SYNE1: variants seen among roughly 807,000 people sequenced by gnomAD.
SYNE1 encodes nesprin-1.
In SYNE1, 616 loss-of-function variants were observed where a neutral mutation model predicts 1,111.0. The ratio of observed to expected loss-of-function variants is 0.55; its 90% confidence interval spans 0.52 to 0.59. The LOEUF (loss-of-function observed/expected upper bound fraction) is 0.59. SYNE1 is among the 20% of genes least tolerant of loss of function. The probability of loss-of-function intolerance (pLI) is 0.00; values close to 1 mark genes in which losing one functional copy is unlikely to be tolerated. For missense variants in SYNE1, 10,006 were observed against 10,417.0 expected, an observed-to-expected ratio of 0.96 and a Z score of 1.72; for synonymous variants, 3,855 against 3,825.8, an observed-to-expected ratio of 1.01 and a Z score of -0.28.
Position 152,225,303 on chromosome 6 carries a change from GCA to G in SYNE1, c.21351+416_21351+417del, listed in dbSNP as rs71268493. Among the ~76,000 whole-genome samples, 220 of 109,672 alleles carry G rather than the reference GCA, an allele frequency of 2.0e-3. 1 individual carries two copies. Among genetic ancestry groups the G allele is most frequent in the East Asian group, 4.9e-3 (18 of 3,700 alleles). The allele number at this position is 109,672 out of a possible 152,430, so 71.9% of individuals were successfully genotyped here. On this transcript the variant is annotated intron_variant, in intron 116 of 145. Coordinates refer to ENST00000367255, the MANE Select transcript of SYNE1 (RefSeq NM_182961.4). ...CAAACACACACACACACACACACAC[GCA>G]CACACACACACACACTCAGATAAAT...
intron 93 of SYNE1, among the ~76,000 whole-genome samples, chr6:152,296,833 T>C (rs896352393): frequency 6.6e-6 from 1 of 152,228 alleles, no homozygotes; most frequent in Non-Finnish European, 1.5e-5. Flanking sequence ...GCCTCATTTA[T>C]GTGGAGCAGG....
chr6:152,391,356 G>A lies in SYNE1; in HGVS notation c.7925C>T (p.Ala2642Val), dbSNP rs1306284864. 1 of 1,613,956 alleles carries A rather than the reference G, an allele frequency of 6.2e-7. No homozygotes were observed. The highest frequency in any genetic ancestry group is 1.3e-5 in the African/African-American group (1 of 74,890). The change falls in exon 52 of 146, where the codon GCC becomes GTC. Residue 2642 changes from alanine (A) to valine (V), a missense_variant. Physicochemically the swap from Ala to Val is moderately conservative, Grantham distance 64. This residue lies in a region of SYNE1 where 4,955 missense variants were observed against 5,017.2 expected (regional missense o/e 0.99). Coordinates refer to ENST00000367255, the MANE Select transcript of SYNE1 (RefSeq NM_182961.4). ...ALQSMWFWVK[A>V]IQDRLACAES... ...TGCACAGGCCAGTCTGTCCTGAATG[G>A]CCTTCACCCAGAACCACATGCTTTG...
At chr6:152,412,387 G>A (rs971260352) in intron 42 of SYNE1, among the ~76,000 whole-genome samples, 6 of 148,340 alleles carry the variant, frequency 4.0e-5, no homozygotes, top group Non-Finnish European at 5.9e-5. Flanking sequence ...TAGCGCCACC[G>A]CACTCCAGCC....
chr6:152,363,988 C>A (rs750511213), intron 63 of SYNE1, among the ~76,000 whole-genome samples: 4 of 152,156 alleles, frequency 2.6e-5, no homozygotes, highest in Non-Finnish European at 4.4e-5. Context: ...ACCCAAATAT[C>A]ATCTTGAATT....
chr6:152,451,253 A>T, intron 25 of SYNE1, 48 bp from the exon 26 acceptor site: 1 of 1,573,092 alleles, frequency 6.4e-7, no homozygotes, highest in South Asian at 1.1e-5. Context: ...GTTCCTGATT[A>T]TGTACATTCC....
At chr6:152,624,478 T>C (rs2128942600) in intron 3 of SYNE1, among the ~76,000 whole-genome samples, 1 of 152,346 alleles carries the variant, frequency 6.6e-6, no homozygotes, top group African/African-American at 2.4e-5. Flanking sequence ...ATTTATTTTC[T>C]TAGTTGTGAC....
intron 59 of SYNE1, among the ~76,000 whole-genome samples, chr6:152,372,556 T>A (rs1055844356): frequency 2.4e-4 from 37 of 152,244 alleles, no homozygotes; most frequent in African/African-American, 8.7e-4. Context: ...AATAGATTCA[T>A]CTTCTATTGT....
chr6:152,175,763 T>C (rs2066305984), intron 130 of SYNE1, among the ~76,000 whole-genome samples: 1 of 152,184 alleles, frequency 6.6e-6, no homozygotes, highest in African/African-American at 2.4e-5. Flanking sequence ...ATATTAGACT[T>C]TTATATTGCT....
At chr6:152,534,248 G>A (rs1159181325) in intron 4 of SYNE1, among the ~76,000 whole-genome samples, 1 of 151,922 alleles carries the variant, frequency 6.6e-6, no homozygotes. Context: ...AAGGAACTTT[G>A]ACAAATATTA....
In SYNE1 at chr6:152,218,437, T is replaced by TA. The variant is rs3839419; in HGVS notation, c.22045-35dup. On this transcript the variant is annotated intron_variant, in intron 120 of 145. Transcript: ENST00000367255. Reference sequence around the variant, plus strand: ...CCACAAAAGAAATTGGTATTTCAGTTAAAAAAAAAAAAATTGGTATTTTAA... The same window carrying TA: ...CCACAAAAGAAATTGGTATTTCAGTTAAAAAAAAAAAAAATTGGTATTTTAA... 0.14 allele frequency: 197,220 copies of TA among 1,428,590 alleles called. 2,124 individuals carry two copies. The highest frequency in any genetic ancestry group is 0.16 in the Non-Finnish European group (164,690 of 1,043,608). The allele number at this position is 1,428,590 out of a possible 1,614,324, so 88.5% of individuals were successfully genotyped here. A position where few individuals can be genotyped will look rare whatever the true frequency, so the allele number is the denominator to read the frequency against.
chr6:152,483,114 T>C lies in SYNE1; in HGVS notation c.1321A>G (p.Thr441Ala), dbSNP rs773559628. 1.7e-5 allele frequency: 28 copies of C among 1,614,220 alleles called. No individual in the cohort carries two copies. Among genetic ancestry groups the C allele is most frequent in the Non-Finnish European group, 2.2e-5 (26 of 1,180,026 alleles). The change falls in exon 14 of 146, where the codon ACG becomes GCG. Residue 441 changes from threonine (T) to alanine (A), a missense_variant. Physicochemically the swap from Thr to Ala is moderately conservative, Grantham distance 58. Around this residue, in one of 7 missense-constraint regions of SYNE1, gnomAD observed 1,971 missense variants for 2,084.1 expected, o/e 0.95. Coordinates refer to ENST00000367255, the MANE Select transcript of SYNE1 (RefSeq NM_182961.4). ...TGTTGCTCAAGTTTCCGTTGTATCG[T>C]GTTTGCTGTTTCCTCGTGGACCTGT... Reference protein sequence around the residue: ...VQQVHEETANTIQRKLEQHKD... With the variant: ...VQQVHEETANAIQRKLEQHKD...
chr6:152,140,031 C>G lies in SYNE1; in HGVS notation c.25377G>C (p.Thr8459=), dbSNP rs755748581. 6 of 1,614,142 alleles carry G rather than the reference C, an allele frequency of 3.7e-6. No homozygotes were observed. Among genetic ancestry groups the G allele is most frequent in the Non-Finnish European group, 3.4e-6 (4 of 1,180,012 alleles). Reference sequence around the variant, plus strand: ...GCTGGAGCTGTTCCAACTCCTCCTCCGTGTCCCCCAGCCAGGCCCAGATGC... The same window carrying G: ...GCTGGAGCTGTTCCAACTCCTCCTCGGTGTCCCCCAGCCAGGCCCAGATGC... ...LNSIWAWLGD[T]EEELEQLQRL... Residue 8459 remains threonine (T), a synonymous_variant, in exon 140 of 146, where the codon ACG becomes ACC. Transcript: ENST00000367255.
chr6:152,303,386 G>C (rs931865823), intron 91 of SYNE1, among the ~76,000 whole-genome samples: 3 of 145,230 alleles, frequency 2.1e-5, no homozygotes, highest in Non-Finnish European at 3.0e-5. Flanking sequence ...CTGGGCAACA[G>C]AGTGAGACTC....
chr6:152,131,973 T>C (rs2152703521), intron 144 of SYNE1, 149 bp downstream of exon 144: 1 of 648,760 alleles, frequency 1.5e-6, no homozygotes, highest in Non-Finnish European at 2.8e-6. Flanking sequence ...TGGGAGGGGA[T>C]GTGGCAGGGC....
intron 58 of SYNE1, among the ~76,000 whole-genome samples, chr6:152,375,307 C>A (rs1220815787): frequency 6.6e-6 from 1 of 152,084 alleles, no homozygotes; most frequent in East Asian, 1.9e-4. Flanking sequence ...AAGTTATTAA[C>A]CAAGAATTTA....
chr6:152,178,989 C>T (rs985102104), intron 129 of SYNE1, among the ~76,000 whole-genome samples: 1 of 148,052 alleles, frequency 6.8e-6, no homozygotes, highest in African/African-American at 2.5e-5. Flanking sequence ...TCTCGGCTCA[C>T]TGCAACCTCC....
intron 5 of SYNE1, among the ~76,000 whole-genome samples, chr6:152,525,588 C>CAGGCT (rs1490726718): frequency 6.6e-6 from 1 of 152,146 alleles, no homozygotes; most frequent in East Asian, 1.9e-4. Flanking sequence ...CAACTCTGAA[C>CAGGCT]AGGCTGTTCT....
intron 63 of SYNE1, 97 bp from the exon 64 acceptor site, chr6:152,362,420 G>A: frequency 2.6e-6 from 4 of 1,525,206 alleles, no homozygotes; most frequent in East Asian, 2.3e-5. Flanking sequence ...TAAGCAAGGG[G>A]TCAAGAGATC....
intron 3 of SYNE1, among the ~76,000 whole-genome samples, chr6:152,565,203 T>C (rs2099408769): frequency 6.6e-6 from 1 of 152,148 alleles, no homozygotes; most frequent in Non-Finnish European, 1.5e-5. Context: ...GCTTCAACAC[T>C]AAGAAAGAGG....
Sources: gnomAD v4.1 joint callset for allele counts (sites outside exome capture counted in the v4.1 genomes callset) on GRCh38, gnomAD v4.1.1 for gene constraint, gnomAD v4.1.1 regional missense constraint, MANE v1.5 for transcripts, NCBI Gene and HGNC (gene_info 2026-07-23, HGNC 2026-07-21) for gene names.